Variants in UNC5D observed in about 807,000 individuals in gnomAD.
The protein encoded by UNC5D is netrin receptor UNC5D.
In UNC5D, 39 loss-of-function variants were observed where a neutral mutation model predicts 105.4. That is an observed-to-expected ratio of 0.37 (90% CI 0.29 to 0.48). The LOEUF (loss-of-function observed/expected upper bound fraction) is 0.48. Ranked by LOEUF, UNC5D falls within the 20% of genes least tolerant of loss-of-function variation. The pLI, the probability that UNC5D is intolerant of heterozygous loss-of-function variation, is 0.98. For synonymous variants in UNC5D, 452 were observed against 450.4 expected, an observed-to-expected ratio of 1.00 and a Z score of -0.04; for missense variants, 991 against 1,202.4, an observed-to-expected ratio of 0.82 and a Z score of 2.60.
At chr8:35,299,491 T>C (rs1023702037) in intron 1 of UNC5D, among the ~76,000 whole-genome samples, 3 of 152,190 alleles carry the variant, frequency 2.0e-5, no homozygotes, top group Non-Finnish European at 4.4e-5. Context: ...TCTTCCCTCT[T>C]GATGATTTCC....
At chr8:35,406,338 T>G (rs1804798737) in intron 1 of UNC5D, among the ~76,000 whole-genome samples, 1 of 152,212 alleles carries the variant, frequency 6.6e-6, no homozygotes, top group Non-Finnish European at 1.5e-5. Context: ...ATAAGTGATG[T>G]TACTTTGCAA....
rs1321783832 is a variant in UNC5D at position 35,791,319 on chromosome 8, T to A, written c.*756T>A. The stretch of plus-strand genomic sequence containing the variant: ...TAAACTTGTCAATACGGAAAGTTGT[T>A]TTTTCTAACACAACAAAGTGGGACC... On this transcript the variant is annotated 3_prime_UTR_variant, in exon 17 of 17. Coordinates refer to ENST00000404895, the MANE Select transcript of UNC5D (RefSeq NM_080872.4). The A allele has an allele frequency of 6.6e-6, 1 of 152,508 alleles. No homozygotes were observed. Among genetic ancestry groups the A allele is most frequent in the Non-Finnish European group, 1.5e-5 (1 of 68,262 alleles). 9.4% of individuals were successfully genotyped at this position (152,508 alleles called of 1,614,324 possible).
At chr8:35,525,611 G>A (rs931575453) in intron 1 of UNC5D, 9 of 1,613,280 alleles carry the variant, frequency 5.6e-6, no homozygotes, top group Non-Finnish European at 7.6e-6. Flanking sequence ...TGTCTGCATG[G>A]TTGGGCTTTC....
At chr8:35,432,960 C>T (rs1806748738) in intron 1 of UNC5D, among the ~76,000 whole-genome samples, 1 of 152,124 alleles carries the variant, frequency 6.6e-6, no homozygotes, top group Non-Finnish European at 1.5e-5. Flanking sequence ...AATATATTTA[C>T]TGATTAACTG....
intron 1 of UNC5D, among the ~76,000 whole-genome samples, chr8:35,305,516 G>A (rs930105702): frequency 1.3e-5 from 2 of 151,770 alleles, no homozygotes; most frequent in African/African-American, 4.8e-5. Flanking sequence ...TTGATACCAA[G>A]ACTTTTGGGC....
intron 4 of UNC5D, among the ~76,000 whole-genome samples, chr8:35,648,922 T>C (rs1256328184): frequency 6.6e-6 from 1 of 152,056 alleles, no homozygotes; most frequent in African/African-American, 2.4e-5. Flanking sequence ...ATCTGAAATA[T>C]CTAACACTGA....
At chr8:35,757,291 G>T (rs548606112) in intron 13 of UNC5D, among the ~76,000 whole-genome samples, 15 of 152,196 alleles carry the variant, frequency 9.9e-5, no homozygotes, top group Non-Finnish European at 1.6e-4. Flanking sequence ...TAGCAAGCAA[G>T]AATTTGTTAT....
At chr8:35,488,228 A>G (rs1395795097) in intron 1 of UNC5D, among the ~76,000 whole-genome samples, 1 of 152,220 alleles carries the variant, frequency 6.6e-6, no homozygotes, top group Non-Finnish European at 1.5e-5. Context: ...AGCAGAGGAC[A>G]GTAGAGATGC....
At chr8:35,534,555 T>G (rs1248145806) in intron 1 of UNC5D, among the ~76,000 whole-genome samples, 2 of 151,446 alleles carry the variant, frequency 1.3e-5, no homozygotes, top group Non-Finnish European at 2.9e-5. Context: ...TGAGAAACTT[T>G]GGGTTGATGG....
At chr8:35,785,579 TCA>T (rs917287149) in intron 16 of UNC5D, among the ~76,000 whole-genome samples, 2 of 152,154 alleles carry the variant, frequency 1.3e-5, no homozygotes, top group Non-Finnish European at 2.9e-5. Flanking sequence ...CAGGCTGGTC[TCA>T]GACTCCTGAC....
intron 2 of UNC5D, 105 bp downstream of exon 2, chr8:35,549,615 A>G: frequency 9.4e-7 from 1 of 1,066,994 alleles, no homozygotes; most frequent in Non-Finnish European, 1.3e-6. Flanking sequence ...CCTTGTGTGA[A>G]TGAGGTCATA....
intron 1 of UNC5D, among the ~76,000 whole-genome samples, chr8:35,392,460 C>T (rs951535902): frequency 6.6e-6 from 1 of 152,196 alleles, no homozygotes; most frequent in Non-Finnish European, 1.5e-5. Context: ...CTCAAGTTAG[C>T]CTCCCACCTT....
chr8:35,475,696 T>A (rs1398641192), intron 1 of UNC5D, among the ~76,000 whole-genome samples: 1 of 152,020 alleles, frequency 6.6e-6, no homozygotes, highest in African/African-American at 2.4e-5. Context: ...AACAAAGGGG[T>A]GGGGACAAAT....
intron 1 of UNC5D, among the ~76,000 whole-genome samples, chr8:35,237,945 AG>A (rs1802576795): frequency 6.6e-6 from 1 of 152,176 alleles, no homozygotes; most frequent in African/African-American, 2.4e-5. Context: ...CTTCCCAGAA[AG>A]GTGTCCATTC....
rs780484219 is a variant in UNC5D, at chr8:35,790,596, A to G, written c.*33A>G. On this transcript the variant is annotated 3_prime_UTR_variant, in exon 17 of 17. Transcript: ENST00000404895. ...CCTCCCATGAGACAGAGTGATGGCC[A>G]GCTTGGGGACATTTGCTTTAAATGG... 12 of 1,611,332 alleles carry G rather than the reference A, an allele frequency of 7.4e-6. No homozygotes were observed. Among genetic ancestry groups the G allele is most frequent in the Non-Finnish European group, 9.3e-6 (11 of 1,178,506 alleles).
At chr8:35,679,058 G>T (rs1825477603) in intron 4 of UNC5D, among the ~76,000 whole-genome samples, 1 of 152,100 alleles carries the variant, frequency 6.6e-6, no homozygotes, top group Non-Finnish European at 1.5e-5. Context: ...AGACCAGCCT[G>T]AGAAACATAG....
chr8:35,337,738 C>A (rs1811150933), intron 1 of UNC5D, among the ~76,000 whole-genome samples: 1 of 151,462 alleles, frequency 6.6e-6, no homozygotes, highest in Non-Finnish European at 1.5e-5. Flanking sequence ...TATAGACTGA[C>A]TCTATTTCTT....
At chr8:35,724,338 C>T in intron 9 of UNC5D, 3 of 1,527,010 alleles carry the variant, frequency 2.0e-6, no homozygotes, top group Non-Finnish European at 2.6e-6. Flanking sequence ...CTGCCTCATG[C>T]TGATATCATG....
intron 1 of UNC5D, among the ~76,000 whole-genome samples, chr8:35,539,678 T>C (rs939680617): frequency 1.1e-4 from 17 of 152,304 alleles, no homozygotes; most frequent in African/African-American, 3.8e-4. Flanking sequence ...ATTTTGCCTG[T>C]GTCCACATCA....
Sources: allele counts gnomAD v4.1 joint callset (sites outside exome capture counted in the v4.1 genomes callset), GRCh38; gene constraint gnomAD v4.1.1; transcripts MANE v1.5; gene names NCBI Gene and HGNC (gene_info 2026-07-23, HGNC 2026-07-21).